The following CELF4 variants were observed in gnomAD, a reference collection of about 807,000 sequenced individuals.
CELF4 encodes the protein CUGBP Elav-like family member 4.
A neutral mutation model predicts 59.9 loss-of-function variants in CELF4; 18 were observed. The ratio of observed to expected loss-of-function variants is 0.30; its 90% CI spans 0.21 to 0.45. CELF4 has a LOEUF of 0.45. Ranked by LOEUF, CELF4 falls within the 20% of genes least tolerant of loss-of-function variation. The pLI is 1.00. For synonymous variants in CELF4, 261 were observed against 267.1 expected, an observed-to-expected ratio of 0.98 and a Z score of 0.22; for missense variants, 456 against 689.0, an observed-to-expected ratio of 0.66 and a Z score of 3.79.
intron 2 of CELF4, among the ~76,000 whole-genome samples, chr18:37,440,039 A>G (rs545697968): frequency 6.6e-5 from 10 of 152,032 alleles, no homozygotes; most frequent in Admixed American, 2.6e-4. Context: ...TGCTTCCTTC[A>G]TCACCTCCCT....
At chr18:37,259,053 C>A (rs766303263) in intron 11 of CELF4, 128 bp downstream of exon 11, 1 of 1,467,462 alleles carries the variant, frequency 6.8e-7, no homozygotes, top group Non-Finnish European at 9.3e-7. Flanking sequence ...AGCAGTCGGA[C>A]ACCGGTAGGT....
At chr18:37,307,029 C>T (rs926548443) in intron 3 of CELF4, among the ~76,000 whole-genome samples, 2 of 151,416 alleles carry the variant, frequency 1.3e-5, no homozygotes, top group East Asian at 1.9e-4. Flanking sequence ...GGTGGGAGTG[C>T]TGCTTGTCAG....
chr18:37,277,538 G>A (rs948482802), intron 3 of CELF4, among the ~76,000 whole-genome samples: 1 of 152,174 alleles, frequency 6.6e-6, no homozygotes, highest in African/African-American at 2.4e-5. Flanking sequence ...GAAAGGGAGT[G>A]GGGGAGAGAA....
At chr18:37,503,352 G>A (rs1394777100) in intron 1 of CELF4, among the ~76,000 whole-genome samples, 4 of 152,174 alleles carry the variant, frequency 2.6e-5, no homozygotes, top group South Asian at 2.1e-4. Context: ...GGGCAGGCTC[G>A]GCGAGCTCTT....
At chr18:37,371,207 T>C (rs76567640) in intron 2 of CELF4, among the ~76,000 whole-genome samples, 381 of 152,356 alleles carry the variant, frequency 2.5e-3, no homozygotes, top group Non-Finnish European at 3.9e-3. Flanking sequence ...ATGCACCATT[T>C]TTCTCAGCTT....
chr18:37,351,169 C>G (rs974814010), intron 2 of CELF4, among the ~76,000 whole-genome samples: 2 of 151,902 alleles, frequency 1.3e-5, no homozygotes, highest in South Asian at 4.2e-4. Flanking sequence ...TCTTGACAGC[C>G]GGAGATCCTG....
intron 3 of CELF4, among the ~76,000 whole-genome samples, chr18:37,293,878 A>G (rs1328867899): frequency 6.8e-6 from 1 of 147,342 alleles, no homozygotes; most frequent in African/African-American, 2.5e-5. Context: ...TGGCACCCCA[A>G]AGTGTGCTTA....
intron 11 of CELF4, among the ~76,000 whole-genome samples, chr18:37,257,940 G>A (rs1034094263): frequency 6.6e-6 from 1 of 152,198 alleles, no homozygotes; most frequent in African/African-American, 2.4e-5. Context: ...ATTCCAGGAG[G>A]AGGTCTGACG....
chr18:37,319,100 A>G (rs1018052726), intron 3 of CELF4, among the ~76,000 whole-genome samples: 1 of 152,136 alleles, frequency 6.6e-6, no homozygotes, highest in African/African-American at 2.4e-5. Context: ...CATCCATGAC[A>G]GCTTCCGTGT....
chr18:37,466,238 G>T (rs1272603040), intron 2 of CELF4, among the ~76,000 whole-genome samples: 1 of 152,250 alleles, frequency 6.6e-6, no homozygotes, highest in African/African-American at 2.4e-5. Context: ...ACAGAGCTGA[G>T]ATGTTCCGAA....
Position 37,353,233 on chromosome 18 carries a change from A to AAAATATATATATATATATAT in CELF4, c.370-31353_370-31352insATATATATATATATATATTT, listed in dbSNP as rs71168258. Among the ~76,000 whole-genome samples, 979 of 106,384 alleles carry AAAATATATATATATATATAT rather than the reference A, an allele frequency of 9.2e-3. 11 individuals are homozygous for AAAATATATATATATATATAT. The highest frequency in any genetic ancestry group is 0.021 in the Admixed American group (171 of 8,054). 69.8% of individuals were successfully genotyped at this position (106,384 alleles called of 152,430 possible). ...GAGACTCCGTCTCAAAAAAAAAAAA[A>AAAATATATATATATATATAT]ATATATATATATATATACATAAAAG... is the stretch of plus-strand genomic sequence containing the variant. On this transcript the variant is annotated intron_variant, in intron 2 of 12. Transcript: ENST00000420428.
At chr18:37,322,061 C>T (rs890435358) in intron 2 of CELF4, among the ~76,000 whole-genome samples, 180 bp from the exon 3 acceptor site, 8 of 152,252 alleles carry the variant, frequency 5.3e-5, no homozygotes, top group African/African-American at 9.6e-5. Flanking sequence ...CTCCCCTCGA[C>T]GGCACGGCCC....
chr18:37,387,024 C>T (rs1603633350), intron 2 of CELF4, among the ~76,000 whole-genome samples: 2 of 152,226 alleles, frequency 1.3e-5, no homozygotes, highest in South Asian at 2.1e-4. Context: ...ACGGCACGCA[C>T]GGGGCTGAGC....
At chr18:37,357,327 G>A (rs562840629) in intron 2 of CELF4, among the ~76,000 whole-genome samples, 22 of 152,192 alleles carry the variant, frequency 1.4e-4, no homozygotes, top group Non-Finnish European at 1.8e-4. Context: ...CGTAGAGCTC[G>A]GGCTGTGGCT....
intron 2 of CELF4, among the ~76,000 whole-genome samples, chr18:37,346,525 G>A (rs2098265701): frequency 6.6e-6 from 1 of 152,192 alleles, no homozygotes; most frequent in African/African-American, 2.4e-5. Context: ...ACCTAGTCGG[G>A]TTCTTTGTGT....
At chr18:37,290,227 AG>A (rs533139217) in intron 3 of CELF4, among the ~76,000 whole-genome samples, 14 of 152,178 alleles carry the variant, frequency 9.2e-5, no homozygotes, top group Non-Finnish European at 2.1e-4. Context: ...TGGATGGCCC[AG>A]GGCAGTGGAG....
chr18:37,310,166 G>A (rs1224065064), intron 3 of CELF4, among the ~76,000 whole-genome samples: 1 of 151,918 alleles, frequency 6.6e-6, no homozygotes, highest in Non-Finnish European at 1.5e-5. Flanking sequence ...TGGCAGCTCC[G>A]AAGGGGTGTC....
At chr18:37,424,775 C>T (rs2099601398) in intron 2 of CELF4, among the ~76,000 whole-genome samples, 1 of 152,180 alleles carries the variant, frequency 6.6e-6, no homozygotes, top group African/African-American at 2.4e-5. Flanking sequence ...CCTTCTCACT[C>T]ATCCTGTGTT....
intron 2 of CELF4, among the ~76,000 whole-genome samples, chr18:37,448,083 A>T (rs1359622371): frequency 1.3e-5 from 2 of 152,260 alleles, no homozygotes; most frequent in Non-Finnish European, 2.9e-5. Context: ...ATCTAGAGCC[A>T]TGAGGCAGTC....
Sources: gnomAD v4.1 joint callset for allele counts (sites outside exome capture counted in the v4.1 genomes callset) on GRCh38, gnomAD v4.1.1 for gene constraint, MANE v1.5 for transcripts, NCBI Gene and HGNC (gene_info 2026-07-23, HGNC 2026-07-21) for gene names.